Variants in COL28A1 observed in about 807,000 individuals in gnomAD.
The protein encoded by COL28A1 is collagen alpha-1(XXVIII) chain.
Under a neutral mutation model 150.2 loss-of-function variants are expected in COL28A1, and 161 were observed. That is an observed-to-expected ratio of 1.07 (90% confidence interval 0.94 to 1.22). The LOEUF is 1.22. COL28A1 is among the 50% of genes most tolerant of loss of function. The pLI is 0.00. For missense variants in COL28A1, 1,617 were observed against 1,388.3 expected, an observed-to-expected ratio of 1.16 and a Z score of -2.62; for synonymous variants, 552 against 469.7, an observed-to-expected ratio of 1.18 and a Z score of -2.26.
At chr7:7,407,529 G>A (rs1462024700) in intron 27 of COL28A1, among the ~76,000 whole-genome samples, 1 of 151,976 alleles carries the variant, frequency 6.6e-6, no homozygotes, top group East Asian at 1.9e-4. Context: ...AATGACAGAG[G>A]AAAATCTTTC....
intron 34 of COL28A1, among the ~76,000 whole-genome samples, chr7:7,359,721 C>T (rs1780543070): frequency 6.6e-6 from 1 of 152,124 alleles, no homozygotes; most frequent in Non-Finnish European, 1.5e-5. Flanking sequence ...GGGTATGGCT[C>T]GGTTCATTTA....
At chr7:7,477,255 A>C (rs1239305035) in intron 13 of COL28A1, 75 bp from the exon 14 acceptor site, 1 of 796,642 alleles carries the variant, frequency 1.3e-6, no homozygotes, top group Non-Finnish European at 2.2e-6. Context: ...AAGAGGAAAG[A>C]GGAAGAAAGA....
chr7:7,423,741 C>T lies in COL28A1; in HGVS notation c.1999-3788G>A, dbSNP rs540959973. On this transcript the variant is annotated intron_variant, in intron 25 of 34. Coordinates refer to ENST00000399429, the MANE Select transcript of COL28A1 (RefSeq NM_001037763.3). ...TAATACCCACACATGGGAAAGCAAGCGGGAAAAGCAGTTAAAATAGGTCCA... is the reference window on the plus strand; with the variant it reads ...TAATACCCACACATGGGAAAGCAAGTGGGAAAAGCAGTTAAAATAGGTCCA... Among the ~76,000 whole-genome samples the T allele has an allele frequency of 1.9e-4, 29 of 152,174 alleles. 1 individual carries two copies. The South Asian group carries it at 3.9e-3, about 21-fold the overall frequency.
At chr7:7,454,543 C>G (rs117241798) in intron 16 of COL28A1, among the ~76,000 whole-genome samples, 1 of 151,778 alleles carries the variant, frequency 6.6e-6, no homozygotes, top group Non-Finnish European at 1.5e-5. Context: ...GAAAGAAGTC[C>G]GAGACTTTTG....
At chr7:7,437,517 A>G (rs2128317600) in intron 21 of COL28A1, 55 bp from the exon 22 acceptor site, 2 of 1,573,186 alleles carry the variant, frequency 1.3e-6, no homozygotes, top group Non-Finnish European at 8.6e-7. Context: ...ACATATAGAG[A>G]CAATATTAAG....
intron 13 of COL28A1, among the ~76,000 whole-genome samples, chr7:7,486,035 T>C (rs1414903341): frequency 6.6e-6 from 1 of 152,182 alleles, no homozygotes; most frequent in East Asian, 1.9e-4. Flanking sequence ...AACTTTTACA[T>C]CAATTTGGGA....
At chr7:7,396,211 C>T (rs759599280) in intron 27 of COL28A1, among the ~76,000 whole-genome samples, 2 of 152,140 alleles carry the variant, frequency 1.3e-5, no homozygotes, top group African/African-American at 2.4e-5. Flanking sequence ...ATCTCCTTCC[C>T]CCTGAAGTTC....
chr7:7,343,171 T>C, the COL28A1 span, among the ~76,000 whole-genome samples: 4 of 151,874 alleles, frequency 2.6e-5, no homozygotes, highest in Non-Finnish European at 4.4e-5. Context: ...ATATTATATA[T>C]ATATATAAGT....
chr7:7,424,495 C>T (rs2128310414), intron 25 of COL28A1, among the ~76,000 whole-genome samples: 1 of 152,252 alleles, frequency 6.6e-6, no homozygotes, highest in South Asian at 2.1e-4. Context: ...TCAGTGGATA[C>T]AGCAATATTC....
intron 21 of COL28A1, among the ~76,000 whole-genome samples, chr7:7,437,875 T>C (rs1288082227): frequency 6.6e-6 from 1 of 152,214 alleles, no homozygotes; most frequent in Admixed American, 6.5e-5. Flanking sequence ...CTTTGTTGTT[T>C]TATTTTAATG....
intron 18 of COL28A1, among the ~76,000 whole-genome samples, chr7:7,449,591 A>C (rs1173922148): frequency 6.6e-6 from 1 of 152,170 alleles, no homozygotes; most frequent in East Asian, 1.9e-4. Flanking sequence ...ATATTCAGAC[A>C]GTATGATTGT....
intron 15 of COL28A1, among the ~76,000 whole-genome samples, chr7:7,472,926 G>A (rs756490568): frequency 8.5e-5 from 13 of 152,136 alleles, no homozygotes; most frequent in African/African-American, 1.2e-4. Flanking sequence ...GTGGGGAAAG[G>A]ACACCCTATT....
chr7:7,367,041 T>A (rs1465296817), intron 33 of COL28A1, among the ~76,000 whole-genome samples: 2 of 152,242 alleles, frequency 1.3e-5, no homozygotes, highest in Admixed American at 6.5e-5. Context: ...CACACATACA[T>A]GACAGTGGTC....
chr7:7,517,535 T>G (rs1051910499), intron 7 of COL28A1, among the ~76,000 whole-genome samples: 10 of 152,184 alleles, frequency 6.6e-5, no homozygotes, highest in African/African-American at 2.2e-4. Flanking sequence ...ATTGGAGCCT[T>G]TCACCAATGT....
intron 30 of COL28A1, among the ~76,000 whole-genome samples, chr7:7,376,915 T>C (rs1781582363): frequency 6.6e-6 from 1 of 152,216 alleles, no homozygotes; most frequent in Non-Finnish European, 1.5e-5. Context: ...AACAGCAGTA[T>C]ATAAGAAAAT....
At chr7:7,429,426 T>TCTCTCACACA (rs1554270137) in intron 25 of COL28A1, among the ~76,000 whole-genome samples, 10 of 119,386 alleles carry the variant, frequency 8.4e-5, no homozygotes, top group African/African-American at 3.1e-4. Flanking sequence ...TCTCTCTCTC[T>TCTCTCACACA]CACATACACA....
intron 32 of COL28A1, among the ~76,000 whole-genome samples, chr7:7,371,909 T>G (rs966777150): frequency 2.0e-5 from 3 of 151,954 alleles, no homozygotes; most frequent in Admixed American, 6.5e-5. Context: ...CTCGGCTCAC[T>G]GTAACCTCCG....
chr7:7,487,032 T>C (rs1779661695), intron 13 of COL28A1, among the ~76,000 whole-genome samples: 1 of 152,194 alleles, frequency 6.6e-6, no homozygotes, highest in Non-Finnish European at 1.5e-5. Flanking sequence ...CATAATGTTT[T>C]ATGTTTTTTA....
intron 11 of COL28A1, among the ~76,000 whole-genome samples, chr7:7,501,243 G>C (rs556853003): frequency 6.6e-6 from 1 of 152,342 alleles, no homozygotes; most frequent in Admixed American, 6.5e-5. Flanking sequence ...AACAATGGAA[G>C]GAGTTAGGAG....
Sources: gnomAD v4.1 joint callset for allele counts (sites outside exome capture counted in the v4.1 genomes callset) on GRCh38, gnomAD v4.1.1 for gene constraint, MANE v1.5 for transcripts, NCBI Gene and HGNC (gene_info 2026-07-23, HGNC 2026-07-21) for gene names.